AFG2A: variants seen among roughly 807,000 people sequenced by gnomAD.
The protein encoded by AFG2A is ATPase family gene 2 protein homolog A.
At chr4:123,269,418 G>C in the AFG2A span, among the ~76,000 whole-genome samples, 1 of 152,172 alleles carries the variant, frequency 6.6e-6, no homozygotes, top group Non-Finnish European at 1.5e-5. Context: ...TTAGTTTCAT[G>C]AACTCACAGA....
chr4:123,116,877 CATGAA>C, the AFG2A span, among the ~76,000 whole-genome samples: 1,804 of 152,250 alleles, frequency 0.012, 42 homozygotes, highest in African/African-American at 0.04. Flanking sequence ...CTTTCATGGA[CATGAA>C]ATGAAACTTC....
At chr4:123,111,793 A>G in the AFG2A span, among the ~76,000 whole-genome samples, 1 of 151,908 alleles carries the variant, frequency 6.6e-6, no homozygotes, top group Admixed American at 6.6e-5. Flanking sequence ...ATGGGGTGCA[A>G]TGGCATGATC....
At chr4:123,028,136 C>G in the AFG2A span, 1 of 1,436,436 alleles carries the variant, frequency 7.0e-7, no homozygotes, top group Non-Finnish European at 9.5e-7. Context: ...TTTTTTAGTT[C>G]TCTGTTTGTC....
the AFG2A span, among the ~76,000 whole-genome samples, chr4:123,006,961 T>C: frequency 6.6e-6 from 1 of 152,080 alleles, no homozygotes; most frequent in Non-Finnish European, 1.5e-5. Context: ...TCTTCTCTTT[T>C]TGTAAAAGGA....
the AFG2A span, among the ~76,000 whole-genome samples, chr4:123,066,695 C>A: frequency 1.3e-5 from 2 of 152,012 alleles, no homozygotes; most frequent in African/African-American, 4.8e-5. Flanking sequence ...ATTTTTATGT[C>A]CATTTTGAAA....
At chr4:123,001,610 A>G in the AFG2A span, among the ~76,000 whole-genome samples, 1 of 151,422 alleles carries the variant, frequency 6.6e-6, no homozygotes, top group African/African-American at 2.4e-5. Flanking sequence ...GTAGTTGAGC[A>G]GTTTTGAGTG....
the AFG2A span, among the ~76,000 whole-genome samples, chr4:122,978,553 G>A: frequency 5.4e-4 from 82 of 152,300 alleles, no homozygotes; most frequent in African/African-American, 2.0e-3. Context: ...TGCCCTCCAT[G>A]CTTCAGGCTG....
At chr4:123,062,591 T>C in the AFG2A span, among the ~76,000 whole-genome samples, 1 of 152,128 alleles carries the variant, frequency 6.6e-6, no homozygotes, top group African/African-American at 2.4e-5. Flanking sequence ...TAGCAATAAG[T>C]CATATGGTAT....
At chr4:122,995,938 C>T in the AFG2A span, among the ~76,000 whole-genome samples, 1 of 152,236 alleles carries the variant, frequency 6.6e-6, no homozygotes, top group Non-Finnish European at 1.5e-5. Flanking sequence ...CACACTTCAT[C>T]ACTTTACTAT....
At chr4:122,988,990 T>C in the AFG2A span, among the ~76,000 whole-genome samples, 3 of 152,228 alleles carry the variant, frequency 2.0e-5, no homozygotes, top group African/African-American at 7.2e-5. Context: ...TCTCTATCTC[T>C]TTCTTGAATT....
the AFG2A span, among the ~76,000 whole-genome samples, chr4:123,129,242 C>G: frequency 3.3e-5 from 5 of 152,138 alleles, no homozygotes; most frequent in Non-Finnish European, 7.3e-5. Context: ...TACTTCTGTG[C>G]CATCCCTTAG....
chr4:122,939,986 A>G, the AFG2A span, among the ~76,000 whole-genome samples: 1 of 152,180 alleles, frequency 6.6e-6, no homozygotes, highest in African/African-American at 2.4e-5. Flanking sequence ...GCTGCATAGT[A>G]TTCCATGGTG....
the AFG2A span, among the ~76,000 whole-genome samples, chr4:122,957,513 G>A: frequency 2.0e-5 from 3 of 152,140 alleles, no homozygotes; most frequent in Non-Finnish European, 4.4e-5. Context: ...GAACATAACA[G>A]CAGCATTCCT....
chr4:123,258,548 G>A, the AFG2A span, among the ~76,000 whole-genome samples: 1 of 152,160 alleles, frequency 6.6e-6, no homozygotes, highest in Non-Finnish European at 1.5e-5. Flanking sequence ...CTAACTCCCT[G>A]CTGTAGACAC....
chr4:123,224,073 C>A, the AFG2A span, among the ~76,000 whole-genome samples: 1 of 151,996 alleles, frequency 6.6e-6, no homozygotes, highest in Admixed American at 6.6e-5. Flanking sequence ...AATCTTTAAT[C>A]CTTTTTGAGT....
the AFG2A span, among the ~76,000 whole-genome samples, chr4:123,013,605 G>A: frequency 6.6e-6 from 1 of 152,090 alleles, no homozygotes; most frequent in South Asian, 2.1e-4. Context: ...GGGGTTGGGG[G>A]GCAAGGGAAG....
chr4:122,943,828 C>T, the AFG2A span, among the ~76,000 whole-genome samples: 1 of 152,052 alleles, frequency 6.6e-6, no homozygotes, highest in Non-Finnish European at 1.5e-5. Flanking sequence ...TAGGGCAGGC[C>T]TGGTGGTGAC....
At chr4:123,218,565 G>T in the AFG2A span, among the ~76,000 whole-genome samples, 1 of 151,992 alleles carries the variant, frequency 6.6e-6, no homozygotes, top group African/African-American at 2.4e-5. Flanking sequence ...TTATTTGGTT[G>T]GATAATTAGC....
chr4:123,063,836 G>T, the AFG2A span, among the ~76,000 whole-genome samples: 1 of 152,060 alleles, frequency 6.6e-6, no homozygotes, highest in Non-Finnish European at 1.5e-5. Flanking sequence ...ATATTTGCTA[G>T]TCTTTACTGT....
Sources: allele counts gnomAD v4.1 joint callset (sites outside exome capture counted in the v4.1 genomes callset), GRCh38; gene constraint gnomAD v4.1.1; transcripts MANE v1.5; gene names NCBI Gene and HGNC (gene_info 2026-07-23, HGNC 2026-07-21).